CCDC30: variants seen among roughly 807,000 people sequenced by gnomAD.
CCDC30 encodes the protein coiled-coil domain containing 30.
CCDC30 carries 70 observed loss-of-function variants against 100.2 expected under a neutral mutation model. That is an observed-to-expected ratio of 0.70 (90% CI 0.58 to 0.85). CCDC30 has a LOEUF of 0.85. Ranked by LOEUF, CCDC30 falls within the 40% of genes least tolerant of loss-of-function variation. The pLI is 0.00. For synonymous variants in CCDC30, 233 were observed against 269.5 expected, an observed-to-expected ratio of 0.86 and a Z score of 1.33; for missense variants, 652 against 771.2, an observed-to-expected ratio of 0.85 and a Z score of 1.83.
intron 4 of CCDC30, among the ~76,000 whole-genome samples, chr1:42,495,700 TA>T (rs141351598): frequency 0.14 from 20,638 of 151,354 alleles, 1,540 homozygotes; most frequent in East Asian, 0.19. Flanking sequence ...AAATAAAAAA[TA>T]AAACAAAATT....
At chr1:42,474,159 A>G (rs149195486) in intron 1 of CCDC30, among the ~76,000 whole-genome samples, 1 of 152,344 alleles carries the variant, frequency 6.6e-6, no homozygotes, top group East Asian at 1.9e-4. Flanking sequence ...CAAATTCTAA[A>G]GAAGAATGCA....
At chr1:42,457,319 A>G in the CCDC30 span, 1 of 1,614,032 alleles carries the variant, frequency 6.2e-7, no homozygotes, top group Non-Finnish European at 8.5e-7. Context: ...ATGCCTGAAC[A>G]CAAGATCCAG....
At chr1:42,469,477 G>A (rs1157944238) in intron 1 of CCDC30, among the ~76,000 whole-genome samples, 5 of 152,152 alleles carry the variant, frequency 3.3e-5, no homozygotes. Context: ...GTCCAAAACA[G>A]GACAGTAGCT....
At chr1:42,584,131 C>G (rs1004798739) in intron 9 of CCDC30, among the ~76,000 whole-genome samples, 1 of 152,180 alleles carries the variant, frequency 6.6e-6, no homozygotes, top group Admixed American at 6.5e-5. Flanking sequence ...CTGGAAAAAA[C>G]AAAATGTTTC....
chr1:42,533,013 T>C (rs1369473342), intron 6 of CCDC30, among the ~76,000 whole-genome samples: 1 of 152,204 alleles, frequency 6.6e-6, no homozygotes, highest in East Asian at 1.9e-4. Flanking sequence ...CGCCTCGGCC[T>C]CCCAAAGTGC....
At chr1:42,468,662 T>C (rs1450825799) in intron 1 of CCDC30, 1 of 152,260 alleles carries the variant, frequency 6.6e-6, no homozygotes, top group African/African-American at 2.4e-5. Context: ...TCTTCTAGAT[T>C]GATCTGGAGC....
chr1:42,482,168 A>G (rs1297986202), intron 2 of CCDC30, among the ~76,000 whole-genome samples: 2 of 150,716 alleles, frequency 1.3e-5, no homozygotes, highest in East Asian at 2.0e-4. Flanking sequence ...CAGTTGTGCC[A>G]TTAGAGACTG....
chr1:42,576,435 A>T (rs1019459318), intron 7 of CCDC30, among the ~76,000 whole-genome samples: 2 of 152,224 alleles, frequency 1.3e-5, no homozygotes, highest in Non-Finnish European at 1.5e-5. Context: ...AGACAGAGAA[A>T]AAAAGACTTT....
intron 6 of CCDC30, among the ~76,000 whole-genome samples, chr1:42,562,009 A>G (rs1645498500): frequency 6.6e-6 from 1 of 152,238 alleles, no homozygotes; most frequent in African/African-American, 2.4e-5. Context: ...AAGAATCAAT[A>G]TCAGGAAAAT....
chr1:42,515,918 T>C (rs980417380), intron 6 of CCDC30, among the ~76,000 whole-genome samples: 1 of 152,252 alleles, frequency 6.6e-6, no homozygotes, highest in African/African-American at 2.4e-5. Flanking sequence ...TCATATTGCA[T>C]TGAATGTATA....
intron 11 of CCDC30, among the ~76,000 whole-genome samples, chr1:42,633,208 A>G (rs1647074572): frequency 6.6e-6 from 1 of 152,208 alleles, no homozygotes; most frequent in Non-Finnish European, 1.5e-5. Context: ...GTCACCCCCA[A>G]GCAAATTCAG....
intron 9 of CCDC30, 84 bp from the exon 14 acceptor site, chr1:42,589,237 A>T: frequency 1.9e-6 from 2 of 1,059,062 alleles, no homozygotes; most frequent in Non-Finnish European, 2.7e-6. Flanking sequence ...AAAAAAAAAA[A>T]TCCCTTGTGA....
chr1:42,534,387 A>G (rs41269493), intron 6 of CCDC30, among the ~76,000 whole-genome samples: 10 of 152,310 alleles, frequency 6.6e-5, no homozygotes, highest in Non-Finnish European at 1.3e-4. Context: ...ATGGTGGCTG[A>G]TGGGAGAAGG....
intron 8 of CCDC30, among the ~76,000 whole-genome samples, chr1:42,577,881 C>T (rs935028720): frequency 5.9e-5 from 9 of 152,094 alleles, no homozygotes; most frequent in Non-Finnish European, 1.0e-4. Flanking sequence ...ACCTCGTGAT[C>T]CACCCGCCTC....
chr1:42,608,716 CAAAAAA>C lies in CCDC30; in HGVS notation c.1165-2243_1165-2238del, dbSNP rs3044834. ...AGAGCGCGACTCCGTCTCTCTGTCT[CAAAAAA>C]AAAAAAAAAAAAAAAAAAGATATGA... On this transcript the variant is annotated intron_variant, in intron 10 of 16. Transcript: ENST00000668663. 5.4e-5 allele frequency among the ~76,000 whole-genome samples: 3 copies of C among 55,414 alleles called. No homozygotes were observed. In the Admixed American group the frequency reaches 7.3e-4, roughly 13 times the overall value. The allele number at this position is 55,414 out of a possible 152,430, so 36.4% of individuals were successfully genotyped here.
intron 7 of CCDC30, among the ~76,000 whole-genome samples, chr1:42,574,536 A>G (rs1476993749): frequency 2.0e-5 from 3 of 152,154 alleles, no homozygotes; most frequent in African/African-American, 7.2e-5. Flanking sequence ...GATCAGTCTC[A>G]CTAGAAGTTT....
intron 6 of CCDC30, chr1:42,556,229 G>A (rs1207980915): frequency 1.2e-6 from 2 of 1,614,062 alleles, no homozygotes; most frequent in Non-Finnish European, 8.5e-7. Flanking sequence ...TCCAAGAGAG[G>A]GGCAGAAGGA....
intron 11 of CCDC30, among the ~76,000 whole-genome samples, chr1:42,623,372 T>C (rs933988919): frequency 6.6e-6 from 1 of 152,244 alleles, no homozygotes; most frequent in African/African-American, 2.4e-5. Context: ...TTTGAGGTCT[T>C]AGATTTAAGT....
At chr1:42,577,102 A>G (rs551724357) in exon 8 of CCDC30, 1 of 1,614,122 alleles carries the variant, frequency 6.2e-7, no homozygotes, top group Non-Finnish European at 8.5e-7. Flanking sequence ...GAGTACAAGC[A>G]CTGTCAGCAG....
Sources: gnomAD v4.1 joint callset for allele counts (sites outside exome capture counted in the v4.1 genomes callset) on GRCh38, gnomAD v4.1.1 for gene constraint, MANE v1.5 for transcripts, NCBI Gene and HGNC (gene_info 2026-07-23, HGNC 2026-07-21) for gene names.